The following AOPEP variants were observed in gnomAD, a reference collection of about 807,000 sequenced individuals.
AOPEP encodes the protein aminopeptidase O.
A neutral mutation model predicts 98.1 loss-of-function variants in AOPEP; 77 were observed. That is an observed-to-expected ratio of 0.78 (90% CI 0.65 to 0.95). The LOEUF is 0.95. Ranked by LOEUF, AOPEP falls within the 40% of genes least tolerant of loss-of-function variation. The pLI is 0.00. For synonymous variants in AOPEP, 346 were observed against 365.3 expected (o/e 0.95, Z 0.60); for missense variants, 1,024 against 1,024.7 (o/e 1.00, Z 0.01).
chr9:95,115,844 A>T, the AOPEP span, among the ~76,000 whole-genome samples: 1 of 152,188 alleles, frequency 6.6e-6, no homozygotes, highest in African/African-American at 2.4e-5. Context: ...CTCCACTTGT[A>T]GTGTCTACAC....
At chr9:94,737,945 G>A (rs1832146170) in intron 1 of AOPEP, among the ~76,000 whole-genome samples, 1 of 152,192 alleles carries the variant, frequency 6.6e-6, no homozygotes, top group African/African-American at 2.4e-5. Context: ...GGGCAGTAGA[G>A]TGTAGTGCTG....
At chr9:95,111,270 C>T in the AOPEP span, 26 of 1,550,990 alleles carry the variant, frequency 1.7e-5, no homozygotes, top group African/African-American at 2.7e-5. Flanking sequence ...CTGGCCACCT[C>T]GGTGGGGACA....
At chr9:94,989,705 C>T (rs1171828514) in intron 11 of AOPEP, among the ~76,000 whole-genome samples, 1 of 150,802 alleles carries the variant, frequency 6.6e-6, no homozygotes, top group African/African-American at 2.4e-5. Flanking sequence ...TCCACCTCCA[C>T]GAATCAAGAG....
the AOPEP span, among the ~76,000 whole-genome samples, chr9:95,134,436 A>G: frequency 2.2e-4 from 33 of 152,294 alleles, no homozygotes; most frequent in African/African-American, 7.9e-4. Flanking sequence ...GCCACTAACT[A>G]AAGACCGGAC....
At position 94,851,513 on chromosome 9, in the gene AOPEP, C is replaced by G. The variant is rs191625063; in HGVS notation, c.1364+50511C>G. ...CCCTCATCCTTTGGGCTGGATGATT[C>G]CCTCCAGACCTCGTTCAAGTATAAT... On this transcript the variant is annotated intron_variant, in intron 5 of 16. Coordinates refer to ENST00000375315, the MANE Select transcript of AOPEP (RefSeq NM_001193329.3). Among the ~76,000 whole-genome samples the G allele has an allele frequency of 1.7e-3, 259 of 151,836 alleles. 1 individual carries two copies. Among genetic ancestry groups the G allele is most frequent in the African/African-American group, 6.1e-3 (252 of 41,368 alleles).
At position 95,012,990 on chromosome 9, in the gene AOPEP, G is replaced by A. The variant is rs141395175; in HGVS notation, c.2115+7374G>A. On this transcript the variant is annotated intron_variant, in intron 13 of 16. Transcript: ENST00000375315. ...TAGAGTTTTCCTGTTTTTTTTTTGG[G>A]GGGGGGGGCAGGGCGATTATCTCTT... Among the ~76,000 whole-genome samples, 26 of 135,732 alleles carry A rather than the reference G, an allele frequency of 1.9e-4. 1 individual carries two copies. Among genetic ancestry groups the A allele is most frequent in the Non-Finnish European group, 2.6e-4 (16 of 62,062 alleles). 89.0% of individuals were successfully genotyped at this position (135,732 alleles called of 152,430 possible).
chr9:94,969,814 C>A lies in AOPEP; in HGVS notation c.1916+2013C>A, dbSNP rs1356789385. On this transcript the variant is annotated intron_variant, in intron 10 of 16. Transcript: ENST00000375315. ...TAACATTGCTTGCCTCATTTCTGACCCACAGTTTTAGCTATGTTTTTATGC... is the reference window on the plus strand; with the variant it reads ...TAACATTGCTTGCCTCATTTCTGACACACAGTTTTAGCTATGTTTTTATGC... Among the ~76,000 whole-genome samples the A allele has an allele frequency of 1.3e-5, 2 of 152,092 alleles. 1 individual carries two copies. The highest frequency in any genetic ancestry group is 2.9e-5 in the Non-Finnish European group (2 of 68,016).
At chr9:95,031,835 T>A (rs1341688741) in intron 13 of AOPEP, among the ~76,000 whole-genome samples, 1 of 152,234 alleles carries the variant, frequency 6.6e-6, no homozygotes, top group Non-Finnish European at 1.5e-5. Context: ...TCTTGTGACT[T>A]GTCCCAGATA....
At chr9:95,137,712 G>C in the AOPEP span, among the ~76,000 whole-genome samples, 1 of 152,342 alleles carries the variant, frequency 6.6e-6, no homozygotes, top group East Asian at 1.9e-4. Context: ...TTGGCTGAAG[G>C]TACACATTTG....
the AOPEP span, among the ~76,000 whole-genome samples, chr9:95,141,577 G>A: frequency 6.6e-6 from 1 of 151,904 alleles, no homozygotes; most frequent in Admixed American, 6.6e-5. Flanking sequence ...TCTAATTTAC[G>A]TTTTCATTTC....
chr9:94,795,470 G>A (rs1274203287), intron 4 of AOPEP, among the ~76,000 whole-genome samples: 1 of 152,150 alleles, frequency 6.6e-6, no homozygotes, highest in Non-Finnish European at 1.5e-5. Flanking sequence ...TTGTCCATGG[G>A]TTCTCAAATT....
At chr9:95,109,261 G>A in the AOPEP span, among the ~76,000 whole-genome samples, 80 of 152,212 alleles carry the variant, frequency 5.3e-4, no homozygotes, top group African/African-American at 1.9e-3. Flanking sequence ...CCATGGTTAG[G>A]ATATACCACA....
the AOPEP span, among the ~76,000 whole-genome samples, chr9:95,136,557 GT>G: frequency 6.6e-6 from 1 of 151,866 alleles, no homozygotes; most frequent in Non-Finnish European, 1.5e-5. Context: ...TGTGATCAAA[GT>G]TCCCTGTAAC....
intron 5 of AOPEP, among the ~76,000 whole-genome samples, chr9:94,858,170 A>G (rs1217302627): frequency 6.6e-6 from 1 of 151,928 alleles, no homozygotes; most frequent in African/African-American, 2.4e-5. Flanking sequence ...CTCAATGCTG[A>G]TTCTTGGCCT....
intron 13 of AOPEP, among the ~76,000 whole-genome samples, chr9:95,012,987 T>TA (rs763512878): frequency 1.6e-5 from 1 of 62,654 alleles, no homozygotes; most frequent in Non-Finnish European, 3.1e-5. Context: ...GTTTTTTTTT[T>TA]GGGGGGGGGG....
chr9:95,124,949 G>A, the AOPEP span: 2 of 752,254 alleles, frequency 2.7e-6, no homozygotes, highest in Non-Finnish European at 4.6e-6. Flanking sequence ...ACCTTTGTTG[G>A]GGCACTCATT....
intron 6 of AOPEP, among the ~76,000 whole-genome samples, chr9:94,926,215 T>C (rs2054294970): frequency 6.6e-6 from 1 of 152,222 alleles, no homozygotes; most frequent in South Asian, 2.1e-4. Flanking sequence ...CTCCTTAGTC[T>C]GCTGGCTTGG....
intron 5 of AOPEP, among the ~76,000 whole-genome samples, chr9:94,803,337 T>C (rs1848587011): frequency 6.6e-6 from 1 of 152,258 alleles, no homozygotes; most frequent in South Asian, 2.1e-4. Flanking sequence ...TACCATTTTA[T>C]ACCATTTCAG....
chr9:95,089,649 C>T (rs1372635437), downstream of AOPEP, among the ~76,000 whole-genome samples: 1 of 152,210 alleles, frequency 6.6e-6, no homozygotes, highest in African/African-American at 2.4e-5. Flanking sequence ...CCCCCCTGGG[C>T]CTTCACTCCT....
Sources: allele counts gnomAD v4.1 joint callset (sites outside exome capture counted in the v4.1 genomes callset), GRCh38; gene constraint gnomAD v4.1.1; transcripts MANE v1.5; gene names NCBI Gene and HGNC (gene_info 2026-07-23, HGNC 2026-07-21).